SYCP2: variants seen among roughly 807,000 people sequenced by gnomAD.
The protein encoded by SYCP2 is synaptonemal complex protein 2.
SYCP2 carries 55 observed loss-of-function variants against 211.3 expected under a neutral mutation model. The observed-to-expected ratio is 0.26, with a 90% CI of 0.21 to 0.33. The LOEUF (loss-of-function observed/expected upper bound fraction) is 0.33, where lower values mean the gene tolerates loss of function less well. Among genes scored for constraint, SYCP2 ranks in the 10% least tolerant of loss-of-function variants. The pLI, the probability that SYCP2 is intolerant of heterozygous loss-of-function variation, is 1.00. For missense variants in SYCP2, 1,731 were observed against 1,752.0 expected (o/e 0.99, Z 0.21); for synonymous variants, 570 against 555.2 (o/e 1.03, Z -0.37).
At chr20:59,877,914 TAAC>T (rs1306610472) in intron 32 of SYCP2, 91 bp downstream of exon 32, 6 of 990,310 alleles carry the variant, frequency 6.1e-6, no homozygotes, top group Non-Finnish European at 9.2e-6. Flanking sequence ...ACATAACTGA[TAAC>T]AAGGATAAAA....
At chr20:59,905,458 C>T (rs999067662) in intron 15 of SYCP2, among the ~76,000 whole-genome samples, 1 of 152,056 alleles carries the variant, frequency 6.6e-6, no homozygotes, top group Non-Finnish European at 1.5e-5. Context: ...ATACATGCAA[C>T]ATGCTTGAAT....
intron 31 of SYCP2, among the ~76,000 whole-genome samples, chr20:59,879,790 CAAG>C (rs1425452205): frequency 7.0e-5 from 9 of 129,188 alleles, no homozygotes. Context: ...TTGGGTGCAG[CAAG>C]AAGATGGGAT....
rs183920245 is a variant in SYCP2 at position 59,882,275 on chromosome 20, C to T, written c.2530-110G>A. On this transcript the variant is annotated intron_variant, in intron 26 of 44. Coordinates refer to ENST00000357552, the MANE Select transcript of SYCP2 (RefSeq NM_014258.4). ...CAAAAAATGAGATGTCATCTCACCT[C>T]AGTTAAAATGGCTTGTACCAAAAAG... is the stretch of plus-strand genomic sequence containing the variant. The T allele has an allele frequency of 7.5e-5, 60 of 794,928 alleles. 1 individual carries two copies. The Middle Eastern group carries it at 1.4e-3, about 19-fold the overall frequency. 49.2% of individuals were successfully genotyped at this position (794,928 alleles called of 1,614,324 possible).
chr20:59,915,437 TA>T, intron 9 of SYCP2, 27 bp downstream of exon 9: 1 of 1,434,068 alleles, frequency 7.0e-7, no homozygotes, highest in Non-Finnish European at 9.7e-7. Context: ...ATTTTAAGAA[TA>T]AAAACCATAT....
At chr20:59,930,415 T>C (rs2060716402) in intron 2 of SYCP2, among the ~76,000 whole-genome samples, 1 of 152,194 alleles carries the variant, frequency 6.6e-6, no homozygotes, top group South Asian at 2.1e-4. Context: ...AAAGAGATAT[T>C]GTCAAATCCT....
chr20:59,916,464 A>G, intron 8 of SYCP2, 22 bp downstream of exon 8: 1 of 1,466,066 alleles, frequency 6.8e-7, no homozygotes, highest in Non-Finnish European at 9.5e-7. Context: ...TTAGTTTTTA[A>G]AACACAAATA....
chr20:59,875,730 C>A (rs765810942), intron 33 of SYCP2, among the ~76,000 whole-genome samples: 61 of 151,844 alleles, frequency 4.0e-4, no homozygotes, highest in Non-Finnish European at 3.1e-4. Context: ...AAGATTATAT[C>A]CAGTTTAGGA....
At chr20:59,916,216 TA>T (rs1364969042) in intron 8 of SYCP2, among the ~76,000 whole-genome samples, 1 of 152,206 alleles carries the variant, frequency 6.6e-6, no homozygotes, top group Admixed American at 6.5e-5. Context: ...CATATACTAA[TA>T]CAGATTATTT....
intron 1 of SYCP2, chr20:59,933,192 T>A (rs1010523332): frequency 6.6e-6 from 1 of 151,806 alleles, no homozygotes; most frequent in Admixed American, 6.6e-5. Context: ...CCAGGCCTGC[T>A]CCCCGCTCGC....
At chr20:59,897,695 A>T (rs1297439512) in intron 18 of SYCP2, among the ~76,000 whole-genome samples, 1 of 152,206 alleles carries the variant, frequency 6.6e-6, no homozygotes, top group African/African-American at 2.4e-5. Context: ...TAACATAAAC[A>T]TGCCAAAATA....
intron 8 of SYCP2, 83 bp from the exon 9 acceptor site, chr20:59,915,633 G>A: frequency 1.1e-6 from 1 of 879,750 alleles, no homozygotes. Context: ...CATAAACTTA[G>A]AAGCCTAATT....
chr20:59,884,212 CT>C (rs1211766111), intron 26 of SYCP2, among the ~76,000 whole-genome samples: 1 of 151,898 alleles, frequency 6.6e-6, no homozygotes, highest in Non-Finnish European at 1.5e-5. Context: ...CTCTCATTTG[CT>C]TTAAACTCTT....
At chr20:59,900,559 A>G (rs912536761) in intron 17 of SYCP2, among the ~76,000 whole-genome samples, 185 bp downstream of exon 17, 1 of 151,990 alleles carries the variant, frequency 6.6e-6, no homozygotes, top group Non-Finnish European at 1.5e-5. Flanking sequence ...TAATAACCCT[A>G]CTCTTTACAC....
chr20:59,882,540 T>A (rs2059705769), intron 26 of SYCP2, among the ~76,000 whole-genome samples: 1 of 152,082 alleles, frequency 6.6e-6, no homozygotes, highest in African/African-American at 2.4e-5. Flanking sequence ...TGTCCACCAG[T>A]GGATAAATGC....
rs150463446 is a variant in SYCP2, at chr20:59,915,489, G to A, written c.575C>T (p.Ser192Phe). The change falls in exon 9 of 45, where the codon TCT becomes TTT. Residue 192 changes from serine (S) to phenylalanine (F), a missense_variant. By Grantham distance (155) the Ser-to-Phe change is radical. This residue lies in a region of SYCP2 where 335 missense variants were observed against 378.8 expected (regional missense o/e 0.88). Coordinates refer to ENST00000357552, the MANE Select transcript of SYCP2 (RefSeq NM_014258.4). Reference sequence around the variant, plus strand: ...CATGAGAATTAACATTTCTTGGTTAGAGAGTATTTTCCGGGCATCTTGAGG... The same window carrying A: ...CATGAGAATTAACATTTCTTGGTTAAAGAGTATTTTCCGGGCATCTTGAGG... ...KMPQDARKIL[S>F]NQEMLILMSS... is the part of the protein sequence containing the mutation. The A allele has an allele frequency of 1.9e-6, 3 of 1,606,914 alleles. No homozygotes were observed. The highest frequency in any genetic ancestry group is 2.7e-5 in the African/African-American group (2 of 74,912).
intron 38 of SYCP2, 50 bp from the exon 39 acceptor site, chr20:59,867,897 T>A (rs1206402015): frequency 1.4e-6 from 2 of 1,411,974 alleles, no homozygotes; most frequent in Non-Finnish European, 2.0e-6. Flanking sequence ...TTACTCTAAA[T>A]TTAGCCTTGT....
At chr20:59,886,000 AATCAGT>A (rs1271448840) in intron 25 of SYCP2, 36 bp from the exon 26 acceptor site, 10 of 1,449,464 alleles carry the variant, frequency 6.9e-6, no homozygotes, top group Non-Finnish European at 9.6e-6. Flanking sequence ...TGAAAAAGCA[AATCAGT>A]ATCAATATCA....
chr20:59,914,369 GATTA>G (rs1471981773), intron 10 of SYCP2, 118 bp from the exon 11 acceptor site: 7 of 494,508 alleles, frequency 1.4e-5, no homozygotes, highest in African/African-American at 9.9e-5. Context: ...TAATGTAATT[GATTA>G]ATCTATTAAT....
At chr20:59,904,905 G>T (rs2060186162) in intron 15 of SYCP2, among the ~76,000 whole-genome samples, 1 of 152,088 alleles carries the variant, frequency 6.6e-6, no homozygotes, top group Non-Finnish European at 1.5e-5. Flanking sequence ...ATGGGAAAGT[G>T]CCATATAAAT....
Sources: gnomAD v4.1 joint callset for allele counts (sites outside exome capture counted in the v4.1 genomes callset) on GRCh38, gnomAD v4.1.1 for gene constraint, gnomAD v4.1.1 regional missense constraint, MANE v1.5 for transcripts, NCBI Gene and HGNC (gene_info 2026-07-23, HGNC 2026-07-21) for gene names.